Variants in TBC1D22A observed in about 807,000 individuals in gnomAD.
TBC1D22A encodes the protein putative GTPase activator.
Under a neutral mutation model 60.2 loss-of-function variants are expected in TBC1D22A, and 38 were observed. That is an observed-to-expected ratio of 0.63 (90% CI 0.49 to 0.83). TBC1D22A has a LOEUF of 0.83. Ranked by LOEUF, TBC1D22A falls within the 40% of genes least tolerant of loss-of-function variation. The probability of loss-of-function intolerance (pLI) is 0.00; values close to 1 mark genes in which losing one functional copy is unlikely to be tolerated. For synonymous variants in TBC1D22A, 302 were observed against 281.7 expected (o/e 1.07, Z -0.72); for missense variants, 628 against 701.0 (o/e 0.90, Z 1.18).
intron 10 of TBC1D22A, among the ~76,000 whole-genome samples, chr22:47,024,095 G>A (rs1424792645): frequency 6.6e-6 from 1 of 152,182 alleles, no homozygotes; most frequent in Non-Finnish European, 1.5e-5. Context: ...AGTACATCGT[G>A]GTAAGGCCCT....
chr22:47,076,333 G>GTGTGTGTA (rs2147534084), intron 11 of TBC1D22A, among the ~76,000 whole-genome samples: 1 of 134,288 alleles, frequency 7.4e-6, no homozygotes, highest in African/African-American at 2.7e-5. Flanking sequence ...GTATATGTGT[G>GTGTGTGTA]TGTGTGTGTA....
chr22:46,806,557 A>C (rs1057096080), intron 4 of TBC1D22A, among the ~76,000 whole-genome samples: 2 of 150,518 alleles, frequency 1.3e-5, no homozygotes, highest in African/African-American at 2.4e-5. Flanking sequence ...AAATATTAAA[A>C]ATATTTAAAA....
chr22:46,984,905 A>G (rs759166121), intron 9 of TBC1D22A, among the ~76,000 whole-genome samples: 6 of 152,148 alleles, frequency 3.9e-5, no homozygotes, highest in Non-Finnish European at 8.8e-5. Flanking sequence ...TGATGTTAAT[A>G]CCAGGGAGGC....
chr22:46,850,214 T>C (rs111283782), intron 4 of TBC1D22A, among the ~76,000 whole-genome samples: 3,579 of 152,286 alleles, frequency 0.024, 148 homozygotes, highest in African/African-American at 0.082. Flanking sequence ...TTCTCTGCCC[T>C]GTCTCTCAGG....
chr22:47,042,984 A>C (rs2148415938), intron 11 of TBC1D22A, among the ~76,000 whole-genome samples: 1 of 152,274 alleles, frequency 6.6e-6, no homozygotes, highest in African/African-American at 2.4e-5. Context: ...GATCCTGGGC[A>C]CCTTGGGCCC....
intron 11 of TBC1D22A, among the ~76,000 whole-genome samples, chr22:47,055,841 T>C (rs2063373543): frequency 8.2e-6 from 1 of 121,390 alleles, no homozygotes; most frequent in Non-Finnish European, 1.7e-5. Context: ...TGGGTCTGAG[T>C]TCCTGGGCAG....
At chr22:46,915,087 G>A (rs183539397) in intron 8 of TBC1D22A, 8 of 264,198 alleles carry the variant, frequency 3.0e-5, no homozygotes, top group South Asian at 4.5e-5. Context: ...AGGGCAGGGC[G>A]GCTTGGGCTG....
intron 10 of TBC1D22A, among the ~76,000 whole-genome samples, chr22:47,008,739 TG>T (rs1177508505): frequency 6.6e-6 from 1 of 152,212 alleles, no homozygotes; most frequent in African/African-American, 2.4e-5. Context: ...GAGTGAGGCC[TG>T]GGTACAGGCA....
chr22:46,938,986 A>G (rs1234356689), intron 8 of TBC1D22A, among the ~76,000 whole-genome samples: 1 of 151,394 alleles, frequency 6.6e-6, no homozygotes, highest in Admixed American at 6.6e-5. Context: ...CATATCTTTT[A>G]TATGATCCTT....
chr22:46,965,711 C>T (rs2073769240), intron 8 of TBC1D22A, among the ~76,000 whole-genome samples: 1 of 152,234 alleles, frequency 6.6e-6, no homozygotes, highest in Non-Finnish European at 1.5e-5. Flanking sequence ...ATCTCGGCAG[C>T]AGGCACGACG....
intron 11 of TBC1D22A, among the ~76,000 whole-genome samples, chr22:47,039,156 G>T (rs756909574): frequency 1.3e-5 from 2 of 152,240 alleles, no homozygotes; most frequent in African/African-American, 4.8e-5. Context: ...CTCCTAATAG[G>T]TATTAAAACT....
At chr22:47,010,256 A>G (rs1392199795) in intron 10 of TBC1D22A, among the ~76,000 whole-genome samples, 1 of 152,098 alleles carries the variant, frequency 6.6e-6, no homozygotes, top group Non-Finnish European at 1.5e-5. Context: ...TATTTTTATT[A>G]CCCCTACAAA....
intron 5 of TBC1D22A, among the ~76,000 whole-genome samples, chr22:46,885,185 G>A (rs1285363945): frequency 6.6e-6 from 1 of 152,200 alleles, no homozygotes; most frequent in Non-Finnish European, 1.5e-5. Flanking sequence ...CTGGGGCTGG[G>A]TGAATGAATG....
chr22:46,903,744 C>T (rs926524335), intron 7 of TBC1D22A, among the ~76,000 whole-genome samples: 5 of 152,234 alleles, frequency 3.3e-5, no homozygotes, highest in East Asian at 3.9e-4. Flanking sequence ...CCCCAGTGGA[C>T]GGGGGTGGAA....
At chr22:46,826,448 T>C (rs551394214) in intron 4 of TBC1D22A, among the ~76,000 whole-genome samples, 3 of 152,274 alleles carry the variant, frequency 2.0e-5, no homozygotes, top group Non-Finnish European at 2.9e-5. Context: ...ATGCCTATTT[T>C]TAAGACTTGA....
intron 11 of TBC1D22A, among the ~76,000 whole-genome samples, chr22:47,084,312 G>A (rs926269236): frequency 4.6e-5 from 7 of 152,234 alleles, no homozygotes; most frequent in Non-Finnish European, 8.8e-5. Context: ...TTCCCGAGGT[G>A]CCACTTGAGA....
At chr22:47,040,391 C>G (rs1456352448) in intron 11 of TBC1D22A, among the ~76,000 whole-genome samples, 1 of 152,192 alleles carries the variant, frequency 6.6e-6, no homozygotes, top group African/African-American at 2.4e-5. Flanking sequence ...TACAATTAGA[C>G]ATGAGATTTG....
At chr22:47,041,967 C>T (rs1388728924) in intron 11 of TBC1D22A, among the ~76,000 whole-genome samples, 1 of 152,242 alleles carries the variant, frequency 6.6e-6, no homozygotes, top group Non-Finnish European at 1.5e-5. Context: ...GCACCAAGCA[C>T]AGAGCAGGCA....
intron 8 of TBC1D22A, among the ~76,000 whole-genome samples, chr22:46,941,916 T>C (rs1202977655): frequency 2.3e-5 from 2 of 88,470 alleles, no homozygotes; most frequent in South Asian, 5.9e-4. Context: ...TATATGTATA[T>C]GTATATGTAT....
Sources: gnomAD v4.1 joint callset for allele counts (sites outside exome capture counted in the v4.1 genomes callset) on GRCh38, gnomAD v4.1.1 for gene constraint, MANE v1.5 for transcripts, NCBI Gene and HGNC (gene_info 2026-07-23, HGNC 2026-07-21) for gene names.